ASH1L: variants seen among roughly 807,000 people sequenced by gnomAD.
ASH1L encodes the protein histone-lysine N-methyltransferase ASH1L.
A neutral mutation model predicts 269.0 loss-of-function variants in ASH1L; 23 were observed. The ratio of observed to expected loss-of-function variants is 0.09; its 90% CI spans 0.06 to 0.12. ASH1L has a LOEUF of 0.12. Among genes scored for constraint, ASH1L ranks in the 10% least tolerant of loss-of-function variants. The pLI, the probability that ASH1L is intolerant of heterozygous loss-of-function variation, is 1.00. For synonymous variants in ASH1L, 1,187 were observed against 1,253.5 expected (o/e 0.95, Z 1.12); for missense variants, 2,912 against 3,567.8 (o/e 0.82, Z 4.68).
chr1:155,459,999 C>G (rs1039078443), intron 3 of ASH1L, 101 bp from the exon 4 acceptor site: 63 of 770,044 alleles, frequency 8.2e-5, no homozygotes, highest in Non-Finnish European at 1.2e-4. Flanking sequence ...GTTGCTGCCA[C>G]TGTCATCCCC....
At chr1:155,442,428 C>T (rs905712722) in intron 4 of ASH1L, among the ~76,000 whole-genome samples, 2 of 151,658 alleles carry the variant, frequency 1.3e-5, no homozygotes, top group African/African-American at 2.4e-5. Context: ...ACTAAAAATA[C>T]AAAAATTAGC....
In ASH1L at chr1:155,482,447, G is replaced by T; in HGVS notation, c.423C>A (p.Asp141Glu). ...EKNEHCPSKR[D>E]PSKLYKKADD... Reference sequence around the variant, plus strand: ...CTGCTTTCTTGTACAACTTTGAAGGGTCCTAAAATTTGAACAAGAAAAAAG... The same window carrying T: ...CTGCTTTCTTGTACAACTTTGAAGGTTCCTAAAATTTGAACAAGAAAAAAG... Residue 141 changes from aspartate (D) to glutamate (E), a missense_variant and splice_region_variant, in exon 3 of 28, where the codon GAC becomes GAA. By Grantham distance (45) the Asp-to-Glu change is conservative. Coordinates refer to ENST00000392403, the MANE Select transcript of ASH1L (RefSeq NM_018489.3). 6.3e-7 allele frequency: 1 copy of T among 1,596,506 alleles called. No homozygotes were observed. The highest frequency in any genetic ancestry group is 1.1e-5 in the South Asian group (1 of 88,586).
In ASH1L at chr1:155,357,290, C is replaced by T. The variant is rs766011361; in HGVS notation, c.7055+26G>A. Reference sequence around the variant, plus strand: ...AAGCAATCATGTAACTTACAAAGAACATGGATAAGGATATTTCCTTTTTAC... The same window carrying T: ...AAGCAATCATGTAACTTACAAAGAATATGGATAAGGATATTTCCTTTTTAC... On this transcript the variant is annotated intron_variant, in intron 15 of 27. Transcript: ENST00000392403. 2.6e-6 allele frequency: 4 copies of T among 1,564,064 alleles called. No individual in the cohort carries two copies. The African/African-American group carries it at 4.1e-5, about 16-fold the overall frequency.
intron 2 of ASH1L, among the ~76,000 whole-genome samples, chr1:155,504,879 C>T (rs1667718777): frequency 6.6e-6 from 1 of 151,262 alleles, no homozygotes; most frequent in Non-Finnish European, 1.5e-5. Flanking sequence ...AAAGATTTAC[C>T]ATTACAGCTA....
chr1:155,438,364 G>C lies in ASH1L; in HGVS notation c.5791C>G (p.Pro1931Ala). 1.5e-5 allele frequency: 24 copies of C among 1,589,564 alleles called. No individual in the cohort carries two copies. The highest frequency in any genetic ancestry group is 2.0e-5 in the Non-Finnish European group (24 of 1,171,450). ...LEEQTRKKQK[P>A]LPEEEEQENN... ...TCTTGCTCTTCTTCCTCTGGTAATG[G>C]CTTCTGCTTTTTTCTGGTCTGTTCT... is the stretch of plus-strand genomic sequence containing the variant. The change falls in exon 5 of 28, where the codon CCA (proline) becomes GCA (alanine). Residue 1931 changes from proline (P) to alanine (A), a missense_variant. Physicochemically the swap from Pro to Ala is conservative, Grantham distance 27. This residue lies in a region of ASH1L where 789 missense variants were observed against 897.6 expected (regional missense o/e 0.88). Coordinates refer to ENST00000392403, the MANE Select transcript of ASH1L (RefSeq NM_018489.3).
intron 3 of ASH1L, among the ~76,000 whole-genome samples, chr1:155,470,483 A>G (rs35081494): frequency 6.7e-6 from 1 of 149,958 alleles, no homozygotes. Flanking sequence ...AAAAAAACAA[A>G]AAAAAAAACT....
At chr1:155,415,479 C>T (rs1660135500) in intron 6 of ASH1L, among the ~76,000 whole-genome samples, 1 of 151,768 alleles carries the variant, frequency 6.6e-6, no homozygotes, top group Non-Finnish European at 1.5e-5. Context: ...GACAATTAGT[C>T]TCATACAACA....
chr1:155,563,158 T>A (rs1486751318), upstream of ASH1L: 1 of 456,998 alleles, frequency 2.2e-6, no homozygotes, highest in Non-Finnish European at 4.4e-6. Flanking sequence ...GATCGAGGAC[T>A]GCCTAGCGCC....
chr1:155,475,146 CTTT>C (rs772513051), intron 3 of ASH1L, among the ~76,000 whole-genome samples: 3 of 151,198 alleles, frequency 2.0e-5, no homozygotes, highest in Non-Finnish European at 4.4e-5. Context: ...TTCACTGTGG[CTTT>C]TTTTTTATTT....
chr1:155,445,330 C>T (rs556063402), intron 4 of ASH1L, among the ~76,000 whole-genome samples: 6 of 152,098 alleles, frequency 3.9e-5, no homozygotes, highest in Non-Finnish European at 8.8e-5. Flanking sequence ...ATTACATGCA[C>T]CCACCACCAT....
In ASH1L at chr1:155,349,235, T is replaced by C. The variant is rs1354610405; in HGVS notation, c.7554+92A>G. On this transcript the variant is annotated intron_variant, in intron 19 of 27. Coordinates refer to ENST00000392403, the MANE Select transcript of ASH1L (RefSeq NM_018489.3). ...TGACTGGCTTTTCCAACCAGAAATA[T>C]GGCTGATAGAGGAGGGTAAAAATCT... 4 of 1,411,720 alleles carry C rather than the reference T, an allele frequency of 2.8e-6. No homozygotes were observed. The Admixed American group carries it at 8.6e-5, about 30-fold the overall frequency. 87.4% of individuals were successfully genotyped at this position (1,411,720 alleles called of 1,614,324 possible).
chr1:155,507,280 CAA>C (rs796998119), intron 2 of ASH1L, among the ~76,000 whole-genome samples: 6 of 90,866 alleles, frequency 6.6e-5, no homozygotes, highest in South Asian at 3.8e-4. Flanking sequence ...AACTCCGTCT[CAA>C]AAAAAAAAAA....
intron 2 of ASH1L, chr1:155,520,221 G>C (rs1030848667): frequency 1.3e-5 from 2 of 151,290 alleles, no homozygotes; most frequent in African/African-American, 4.9e-5. Context: ...GTGCGGTGGT[G>C]GGCGCCTGTA....
intron 2 of ASH1L, among the ~76,000 whole-genome samples, chr1:155,511,728 T>A (rs1227509392): frequency 2.6e-5 from 4 of 152,160 alleles, no homozygotes; most frequent in Non-Finnish European, 1.5e-5. Context: ...ATAGTCTCGA[T>A]CTCTTGACCT....
intron 6 of ASH1L, among the ~76,000 whole-genome samples, chr1:155,405,418 G>A (rs1659196211): frequency 6.6e-6 from 1 of 152,108 alleles, no homozygotes; most frequent in East Asian, 1.9e-4. Context: ...AGAGGGGGAA[G>A]TTGCAGTGAG....
chr1:155,429,539 C>CAG (rs1207629894), intron 5 of ASH1L, among the ~76,000 whole-genome samples: 1 of 152,184 alleles, frequency 6.6e-6, no homozygotes, highest in Admixed American at 6.5e-5. Flanking sequence ...GCTGAAATTA[C>CAG]AGGCATGATA....
intron 12 of ASH1L, among the ~76,000 whole-genome samples, chr1:155,363,830 G>A (rs1381114861): frequency 3.3e-5 from 5 of 150,960 alleles, no homozygotes; most frequent in African/African-American, 7.3e-5. Context: ...AAAATTAGCC[G>A]GGTGTAGGGA....
intron 1 of ASH1L, among the ~76,000 whole-genome samples, chr1:155,528,940 GAACA>G (rs767339111): frequency 1.3e-5 from 2 of 151,962 alleles, no homozygotes; most frequent in Non-Finnish European, 2.9e-5. Context: ...TTATATGTGA[GAACA>G]TACAGTATTT....
At chr1:155,495,172 T>C (rs961641583) in intron 2 of ASH1L, among the ~76,000 whole-genome samples, 2 of 152,066 alleles carry the variant, frequency 1.3e-5, no homozygotes, top group African/African-American at 2.4e-5. Flanking sequence ...AAGTAAAGAA[T>C]AGCAAGGGAA....
Sources: allele counts gnomAD v4.1 joint callset (sites outside exome capture counted in the v4.1 genomes callset), GRCh38; gene constraint gnomAD v4.1.1; regional missense constraint gnomAD v4.1.1; transcripts MANE v1.5; gene names NCBI Gene and HGNC (gene_info 2026-07-23, HGNC 2026-07-21).